PPP2R3A: variants seen among roughly 807,000 people sequenced by gnomAD.
PPP2R3A encodes serine/threonine-protein phosphatase 2A regulatory subunit B'' subunit alpha.
A neutral mutation model predicts 106.9 loss-of-function variants in PPP2R3A; 80 were observed. The observed-to-expected ratio is 0.75, with a 90% CI of 0.62 to 0.90. PPP2R3A has a LOEUF of 0.90. PPP2R3A is among the 40% of genes least tolerant of loss of function. The pLI is 0.00. For missense variants in PPP2R3A, 1,386 were observed against 1,350.4 expected, an observed-to-expected ratio of 1.03 and a Z score of -0.41; for synonymous variants, 483 against 468.3, an observed-to-expected ratio of 1.03 and a Z score of -0.41.
At position 136,003,017 on chromosome 3, in the gene PPP2R3A, GA is replaced by G; in HGVS notation, c.1521del (p.Glu508ArgfsTer2). On this transcript the variant is annotated frameshift_variant, in exon 2 of 14. Coordinates refer to ENST00000264977, the MANE Select transcript of PPP2R3A (RefSeq NM_002718.5). LOFTEE classifies it high-confidence loss of function. ...AGATTTTACAAATTCCAGTAGCCAGGAAGAGATAGATAAATTGTTAATGGAT... is the reference window on the plus strand; with the variant it reads ...AGATTTTACAAATTCCAGTAGCCAGGAGAGATAGATAAATTGTTAATGGAT... ...QRDFTNSSSQ[E>X]EIDKLLMDLE... 1 of 1,613,542 alleles carries G rather than the reference GA, an allele frequency of 6.2e-7. No homozygotes were observed. The highest frequency in any genetic ancestry group is 8.5e-7 in the Non-Finnish European group (1 of 1,179,800).
At chr3:136,049,475 C>G in intron 5 of PPP2R3A, 114 bp downstream of exon 5, 1 of 682,224 alleles carries the variant, frequency 1.5e-6, no homozygotes, top group Non-Finnish European at 2.4e-6. Context: ...ATATCAGATT[C>G]TAGAAGAGTG....
At chr3:135,977,900 A>G (rs1937463222) in intron 1 of PPP2R3A, among the ~76,000 whole-genome samples, 3 of 151,698 alleles carry the variant, frequency 2.0e-5, no homozygotes, top group South Asian at 4.2e-4. Context: ...GGGTTTCACC[A>G]TGTTGCCCAG....
chr3:136,100,886 G>C (rs749185849), intron 10 of PPP2R3A, among the ~76,000 whole-genome samples: 6 of 151,994 alleles, frequency 3.9e-5, no homozygotes. Context: ...TCTATAACTA[G>C]CCAAAATACC....
intron 12 of PPP2R3A, 65 bp from the exon 13 acceptor site, chr3:136,106,151 G>T: frequency 1.5e-6 from 2 of 1,323,158 alleles, no homozygotes; most frequent in African/African-American, 3.0e-5. Context: ...TTTGTGTGAT[G>T]ATCTATCTCC....
intron 5 of PPP2R3A, among the ~76,000 whole-genome samples, chr3:136,064,407 T>TA (rs1188514653): frequency 1.3e-5 from 2 of 151,904 alleles, no homozygotes; most frequent in African/African-American, 2.4e-5. Flanking sequence ...CCCTAAAACT[T>TA]AAAGTATAAA....
intron 2 of PPP2R3A, among the ~76,000 whole-genome samples, chr3:136,004,671 C>T (rs1325366978): frequency 6.6e-6 from 1 of 152,064 alleles, no homozygotes; most frequent in Non-Finnish European, 1.5e-5. Flanking sequence ...GAGATACATA[C>T]ATTTTTACAA....
intron 9 of PPP2R3A, among the ~76,000 whole-genome samples, chr3:136,089,455 A>G (rs1937037667): frequency 6.6e-6 from 1 of 151,964 alleles, no homozygotes; most frequent in Admixed American, 6.6e-5. Context: ...CTGTTTTTGT[A>G]CCAGTACCAT....
chr3:136,094,487 C>A (rs1304369343), intron 10 of PPP2R3A, among the ~76,000 whole-genome samples: 5 of 152,096 alleles, frequency 3.3e-5, no homozygotes. Flanking sequence ...ACTGGAAAAT[C>A]TCCACACACT....
intron 1 of PPP2R3A, among the ~76,000 whole-genome samples, chr3:135,984,107 C>G (rs1381554166): frequency 6.6e-6 from 1 of 152,162 alleles, no homozygotes; most frequent in African/African-American, 2.4e-5. Context: ...CTCCCTCCTT[C>G]CCCTTCTAAC....
chr3:136,090,551 A>C, intron 9 of PPP2R3A, 27 bp from the exon 10 acceptor site: 1 of 1,577,942 alleles, frequency 6.3e-7, no homozygotes, highest in Non-Finnish European at 8.7e-7. Context: ...TTGCTCAGGA[A>C]ATTTTATAAC....
chr3:136,135,030 GAATA>G (rs1329130090), intron 13 of PPP2R3A, among the ~76,000 whole-genome samples: 1 of 152,120 alleles, frequency 6.6e-6, no homozygotes, highest in East Asian at 1.9e-4. Context: ...CATCTAAAGA[GAATA>G]AATAATTGGC....
intron 2 of PPP2R3A, among the ~76,000 whole-genome samples, chr3:136,016,171 G>A (rs1406687376): frequency 6.6e-6 from 1 of 151,936 alleles, no homozygotes; most frequent in Non-Finnish European, 1.5e-5. Context: ...TTCCACTTTG[G>A]TCTGAGAAAG....
chr3:136,092,094 C>T (rs1460193436), intron 10 of PPP2R3A, among the ~76,000 whole-genome samples: 2 of 151,928 alleles, frequency 1.3e-5, no homozygotes, highest in East Asian at 1.9e-4. Context: ...TTTGGGAGGC[C>T]GAGGTGGGCA....
At position 136,108,930 on chromosome 3, in the gene PPP2R3A, T is replaced by C. The variant is rs540217064; in HGVS notation, c.3329+2608T>C. Among the ~76,000 whole-genome samples, 101 of 152,212 alleles carry C rather than the reference T, an allele frequency of 6.6e-4. 1 individual carries two copies. The South Asian group carries it at 0.02, about 31-fold the overall frequency. ...AAACATACGAGAACTAGAGATTATA[T>C]AGTACCCAGGAGCTCTTCTTTAAAA... On this transcript the variant is annotated intron_variant, in intron 13 of 13. Coordinates refer to ENST00000264977, the MANE Select transcript of PPP2R3A (RefSeq NM_002718.5).
chr3:136,095,673 T>C (rs982698714), intron 10 of PPP2R3A, among the ~76,000 whole-genome samples: 1 of 152,194 alleles, frequency 6.6e-6, no homozygotes, highest in East Asian at 1.9e-4. Flanking sequence ...GTCATGAAAT[T>C]GCTTGTTGCT....
At chr3:136,028,446 T>C (rs2107825387) in intron 3 of PPP2R3A, among the ~76,000 whole-genome samples, 1 of 152,344 alleles carries the variant, frequency 6.6e-6, no homozygotes, top group Admixed American at 6.5e-5. Context: ...CTGTTTCCAT[T>C]CCATTTTACT....
At chr3:135,989,020 C>T (rs574850720) in intron 1 of PPP2R3A, among the ~76,000 whole-genome samples, 143 of 152,210 alleles carry the variant, frequency 9.4e-4, no homozygotes, top group Non-Finnish European at 5.6e-4. Flanking sequence ...AACAAAAAAG[C>T]TGAAGGGTGA....
intron 11 of PPP2R3A, among the ~76,000 whole-genome samples, chr3:136,102,543 C>T (rs796390378): frequency 5.5e-4 from 83 of 152,020 alleles, no homozygotes; most frequent in African/African-American, 1.9e-3. Context: ...GATGGGGTTT[C>T]ACCATGTTGG....
chr3:136,091,619 A>G lies in PPP2R3A; in HGVS notation c.2927+952A>G, dbSNP rs1937096508. ...GTATAGTGAGCAGGACACCAACTCT[A>G]AAAAAATAAATGTTGAATATATTGT... is the stretch of plus-strand genomic sequence containing the variant. On this transcript the variant is annotated intron_variant, in intron 10 of 13. Coordinates refer to ENST00000264977, the MANE Select transcript of PPP2R3A (RefSeq NM_002718.5). 2.0e-5 allele frequency among the ~76,000 whole-genome samples: 3 copies of G among 152,158 alleles called. No individual in the cohort carries two copies. The South Asian group carries it at 6.2e-4, about 32-fold the overall frequency.
Sources: gnomAD v4.1 joint callset for allele counts (sites outside exome capture counted in the v4.1 genomes callset) on GRCh38, gnomAD v4.1.1 for gene constraint, MANE v1.5 for transcripts, NCBI Gene and HGNC (gene_info 2026-07-23, HGNC 2026-07-21) for gene names.